Variants in ATAD2B observed in about 807,000 individuals in gnomAD.
ATAD2B encodes ATPase family AAA domain containing 2B, also known as ATPase family AAA domain-containing protein 2B.
A neutral mutation model predicts 167.6 loss-of-function variants in ATAD2B; 40 were observed. That is an observed-to-expected ratio of 0.24 (90% CI 0.19 to 0.31). The LOEUF is 0.31. Among genes scored for constraint, ATAD2B ranks in the 10% least tolerant of loss-of-function variants. The pLI, the probability that ATAD2B is intolerant of heterozygous loss-of-function variation, is 1.00. For missense variants in ATAD2B, 1,242 were observed against 1,757.2 expected, an observed-to-expected ratio of 0.71 and a Z score of 5.24; for synonymous variants, 579 against 596.5, an observed-to-expected ratio of 0.97 and a Z score of 0.43.
the ATAD2B span, among the ~76,000 whole-genome samples, chr2:23,694,451 T>G: frequency 1.3e-5 from 2 of 152,176 alleles, no homozygotes; most frequent in Non-Finnish European, 2.9e-5. Flanking sequence ...AAATCCATTT[T>G]CCACCCTCCA....
chr2:23,701,880 A>T, the ATAD2B span, among the ~76,000 whole-genome samples: 1 of 134,486 alleles, frequency 7.4e-6, no homozygotes, highest in Non-Finnish European at 1.5e-5. Context: ...GGCTCACCGC[A>T]GCCTCTGCCT....
intron 22 of ATAD2B, among the ~76,000 whole-genome samples, chr2:23,771,504 T>A (rs998063417): frequency 6.6e-6 from 1 of 152,190 alleles, no homozygotes; most frequent in Non-Finnish European, 1.5e-5. Context: ...GTAAAAAAAT[T>A]TGACTTACAA....
intron 13 of ATAD2B, among the ~76,000 whole-genome samples, chr2:23,850,120 C>G (rs1229562536): frequency 8.8e-6 from 1 of 113,004 alleles, no homozygotes; most frequent in Non-Finnish European, 1.7e-5. Flanking sequence ...GAGTGGGCAA[C>G]AGAGCAAGAC....
At chr2:23,866,457 A>G (rs141840921) in intron 10 of ATAD2B, among the ~76,000 whole-genome samples, 1,552 of 152,318 alleles carry the variant, frequency 0.01, 37 homozygotes, top group African/African-American at 0.036. Flanking sequence ...AGAGACATCT[A>G]AAGTTTACTA....
At chr2:23,907,353 G>A (rs1385598972) in intron 1 of ATAD2B, among the ~76,000 whole-genome samples, 1 of 151,902 alleles carries the variant, frequency 6.6e-6, no homozygotes, top group African/African-American at 2.4e-5. Flanking sequence ...AATCATGAGT[G>A]AACTCCCATT....
chr2:23,685,868 A>C, the ATAD2B span, among the ~76,000 whole-genome samples: 6 of 152,162 alleles, frequency 3.9e-5, no homozygotes, highest in Admixed American at 2.0e-4. Flanking sequence ...ATCATGGATG[A>C]GCGTCCTAGG....
At chr2:23,687,184 T>C in the ATAD2B span, among the ~76,000 whole-genome samples, 1 of 151,490 alleles carries the variant, frequency 6.6e-6, no homozygotes, top group Non-Finnish European at 1.5e-5. Context: ...GGGGAGGGAG[T>C]AGGGACCTTC....
intron 12 of ATAD2B, among the ~76,000 whole-genome samples, chr2:23,860,220 G>A (rs897834700): frequency 6.6e-6 from 1 of 152,092 alleles, no homozygotes. Context: ...GGACTTCCTC[G>A]TCTCCAGAAC....
At chr2:23,726,196 T>C in the ATAD2B span, among the ~76,000 whole-genome samples, 1 of 152,290 alleles carries the variant, frequency 6.6e-6, no homozygotes, top group South Asian at 2.1e-4. Context: ...CATCAAAGGA[T>C]GAGTGGATAA....
chr2:23,742,549 A>T, the ATAD2B span, among the ~76,000 whole-genome samples: 88,558 of 121,936 alleles, frequency 0.73, 32,262 homozygotes, highest in East Asian at 0.85. Context: ...CACCAGGGAC[A>T]GTTGTGGGGT....
intron 1 of ATAD2B, among the ~76,000 whole-genome samples, chr2:23,923,664 CT>C (rs1436664385): frequency 6.7e-6 from 1 of 150,224 alleles, no homozygotes; most frequent in Non-Finnish European, 1.5e-5. Context: ...AAAAAAAAGG[CT>C]TTTCATACCG....
chr2:23,898,610 G>A (rs1268198195), intron 1 of ATAD2B, among the ~76,000 whole-genome samples: 1 of 152,192 alleles, frequency 6.6e-6, no homozygotes, highest in Non-Finnish European at 1.5e-5. Flanking sequence ...GTCCATGGCT[G>A]CTCATATTTG....
At chr2:23,760,252 A>G (rs1273702897) in intron 24 of ATAD2B, among the ~76,000 whole-genome samples, 6 of 152,214 alleles carry the variant, frequency 3.9e-5, no homozygotes, top group Non-Finnish European at 8.8e-5. Context: ...AAAATAAGAG[A>G]AACAGACCAC....
intron 1 of ATAD2B, among the ~76,000 whole-genome samples, chr2:23,918,730 G>C (rs1364622757): frequency 6.6e-6 from 1 of 152,046 alleles, no homozygotes; most frequent in Non-Finnish European, 1.5e-5. Flanking sequence ...TTCAGATTTT[G>C]GTGGAAACTA....
At chr2:23,857,537 T>C (rs957889391) in intron 12 of ATAD2B, 34 bp from the exon 13 acceptor site, 5 of 1,021,262 alleles carry the variant, frequency 4.9e-6, no homozygotes, top group Non-Finnish European at 6.8e-6. Flanking sequence ...ATTTATTGTA[T>C]TTGTTTTCAT....
the ATAD2B span, among the ~76,000 whole-genome samples, chr2:23,704,095 C>A: frequency 6.6e-6 from 1 of 152,202 alleles, no homozygotes; most frequent in Non-Finnish European, 1.5e-5. Context: ...CCAGCTCCAG[C>A]AGAAATGAAC....
chr2:23,919,845 CAAA>C (rs369120454), intron 1 of ATAD2B, among the ~76,000 whole-genome samples: 1 of 91,910 alleles, frequency 1.1e-5, no homozygotes, highest in Admixed American at 1.2e-4. Flanking sequence ...AACTCTGTTT[CAAA>C]AAAAAAAAAA....
chr2:23,730,253 C>T, the ATAD2B span, among the ~76,000 whole-genome samples: 59 of 152,202 alleles, frequency 3.9e-4, no homozygotes, highest in Non-Finnish European at 7.4e-4. Context: ...ATTGTTAACA[C>T]AAAATCTGAG....
chr2:23,923,081 T>C (rs1349212530), intron 1 of ATAD2B, among the ~76,000 whole-genome samples: 1 of 152,168 alleles, frequency 6.6e-6, no homozygotes, highest in Non-Finnish European at 1.5e-5. Context: ...GCATTATTAA[T>C]AGCTAAGACA....
Sources: allele counts gnomAD v4.1 joint callset (sites outside exome capture counted in the v4.1 genomes callset), GRCh38; gene constraint gnomAD v4.1.1; transcripts MANE v1.5; gene names NCBI Gene and HGNC (gene_info 2026-07-23, HGNC 2026-07-21).